SMAD3: variants seen among roughly 807,000 people sequenced by gnomAD.
SMAD3 encodes the protein SMAD family member 3, also known as MAD homolog 3.
Under a neutral mutation model 51.8 loss-of-function variants are expected in SMAD3, and 12 were observed. The observed-to-expected ratio is 0.23, with a 90% CI of 0.15 to 0.38. The LOEUF (loss-of-function observed/expected upper bound fraction) is 0.38, where lower values mean the gene tolerates loss of function less well. SMAD3 is among the 10% of genes least tolerant of loss of function. The probability of loss-of-function intolerance (pLI) is 1.00; values close to 1 mark genes in which losing one functional copy is unlikely to be tolerated. For synonymous variants in SMAD3, 238 were observed against 227.7 expected (o/e 1.05, Z -0.41); for missense variants, 294 against 565.6 (o/e 0.52, Z 4.87).
intron 1 of SMAD3, chr15:67,137,947 C>T (rs770563501): frequency 3.8e-5 from 39 of 1,025,428 alleles, no homozygotes; most frequent in Non-Finnish European, 5.4e-5. Flanking sequence ...TACTAGAATT[C>T]GGACTTCTAG....
chr15:67,158,059 A>C (rs959834302), intron 1 of SMAD3, among the ~76,000 whole-genome samples: 8 of 152,162 alleles, frequency 5.3e-5, no homozygotes, highest in Admixed American at 3.3e-4. Context: ...TAATGCTAGC[A>C]GCTGGTCTTG....
chr15:67,129,031 A>T (rs1961458921), intron 1 of SMAD3, among the ~76,000 whole-genome samples: 1 of 152,164 alleles, frequency 6.6e-6, no homozygotes, highest in Non-Finnish European at 1.5e-5. Flanking sequence ...GAGGCCACAT[A>T]GTCCCAGGTA....
At chr15:67,076,605 C>T (rs182353670) in intron 1 of SMAD3, among the ~76,000 whole-genome samples, 21 of 152,190 alleles carry the variant, frequency 1.4e-4, no homozygotes, top group Non-Finnish European at 2.6e-4. Context: ...CCCTCAGATA[C>T]GTGCAAGAGG....
At chr15:67,067,500 G>C (rs1467432606) in intron 1 of SMAD3, among the ~76,000 whole-genome samples, 1 of 152,182 alleles carries the variant, frequency 6.6e-6, no homozygotes. Flanking sequence ...GGAATGAGTA[G>C]AAAGCACCAG....
intron 1 of SMAD3, among the ~76,000 whole-genome samples, chr15:67,076,443 C>A (rs1960172121): frequency 6.6e-6 from 1 of 152,180 alleles, no homozygotes; most frequent in Non-Finnish European, 1.5e-5. Context: ...TTTATTGTTG[C>A]TGGTGTTTTT....
intron 1 of SMAD3, among the ~76,000 whole-genome samples, chr15:67,087,984 T>C (rs752385202): frequency 6.6e-6 from 1 of 152,188 alleles, no homozygotes; most frequent in Non-Finnish European, 1.5e-5. Context: ...AGATCAGAGT[T>C]CTTGTACTGA....
chr15:67,166,059 A>G, intron 3 of SMAD3: 1 of 404,868 alleles, frequency 2.5e-6, no homozygotes, highest in Non-Finnish European at 3.4e-6. Flanking sequence ...TCTAATTTGG[A>G]CGTGACGTTC....
At chr15:67,132,205 G>T (rs1010031190) in intron 1 of SMAD3, among the ~76,000 whole-genome samples, 1 of 152,176 alleles carries the variant, frequency 6.6e-6, no homozygotes, top group African/African-American at 2.4e-5. Flanking sequence ...ATTCTGTGTT[G>T]TAGAGACCTG....
rs1450693414 is a variant in SMAD3 at position 67,065,941 on chromosome 15, C to G, written c.-214C>G. 1 of 210,708 alleles carries G rather than the reference C, an allele frequency of 4.7e-6. No homozygotes were observed. The highest frequency in any genetic ancestry group is 2.3e-5 in the African/African-American group (1 of 43,506). 13.1% of individuals were successfully genotyped at this position (210,708 alleles called of 1,614,324 possible). A position where few individuals can be genotyped will look rare whatever the true frequency, so the allele number is the denominator to read the frequency against. On this transcript the variant is annotated 5_prime_UTR_variant, in exon 1 of 9. Coordinates refer to ENST00000327367, the MANE Select transcript of SMAD3 (RefSeq NM_005902.4). ...CCCGCCCGGCCGCTCTTCTCTTCGC[C>G]GTGGGAGCCGCTCCGGGCGCAGGGC...
chr15:67,157,776 G>T (rs1196322097), intron 1 of SMAD3, among the ~76,000 whole-genome samples: 1 of 152,218 alleles, frequency 6.6e-6, no homozygotes, highest in Non-Finnish European at 1.5e-5. Context: ...CTCTGCCATG[G>T]CCACATCCTT....
intron 1 of SMAD3, among the ~76,000 whole-genome samples, chr15:67,120,488 G>A (rs181408970): frequency 2.2e-4 from 33 of 152,324 alleles, no homozygotes; most frequent in African/African-American, 7.7e-4. Context: ...ATCTGAGTGG[G>A]AGGCCTGGTA....
chr15:67,138,791 C>A (rs1295127470), intron 1 of SMAD3, among the ~76,000 whole-genome samples: 1 of 152,192 alleles, frequency 6.6e-6, no homozygotes, highest in Non-Finnish European at 1.5e-5. Context: ...TACCCCTCAC[C>A]TCCTCCCCTC....
At chr15:67,115,221 C>T (rs372753088) in intron 1 of SMAD3, among the ~76,000 whole-genome samples, 3 of 151,672 alleles carry the variant, frequency 2.0e-5, no homozygotes, top group African/African-American at 7.3e-5. Flanking sequence ...CTTAGTGCTT[C>T]ATTACAAAGA....
chr15:67,067,802 G>A (rs1234723137), intron 1 of SMAD3, among the ~76,000 whole-genome samples: 1 of 152,180 alleles, frequency 6.6e-6, no homozygotes, highest in Non-Finnish European at 1.5e-5. Flanking sequence ...AGCCAGAATT[G>A]ACTTCAGAGG....
chr15:67,138,332 C>G, intron 1 of SMAD3: 1 of 501,576 alleles, frequency 2.0e-6, no homozygotes, highest in Non-Finnish European at 3.6e-6. Flanking sequence ...GGACCCTGCT[C>G]CCCTCCCCTG....
rs139853947 is a variant in SMAD3 at position 67,129,172 on chromosome 15, C to G, written c.207-35723C>G. 9.7e-4 allele frequency among the ~76,000 whole-genome samples: 147 copies of G among 152,282 alleles called. 1 individual carries two copies. Among genetic ancestry groups the G allele is most frequent in the Middle Eastern group, 3.4e-3 (1 of 294 alleles). ...GAAGTGATGTGCACTTAGCACCTCA[C>G]TATGGGAAACATAAAGCAGGAACTA... On this transcript the variant is annotated intron_variant, in intron 1 of 8. Coordinates refer to ENST00000327367, the MANE Select transcript of SMAD3 (RefSeq NM_005902.4).
Position 67,181,379 on chromosome 15 carries a change from C to T in SMAD3, c.797C>T (p.Ser266Leu), listed in dbSNP as rs753486471. Residue 266 changes from serine (S) to leucine (L), a missense_variant, in exon 6 of 9, where the codon TCG (serine) becomes TTG (leucine). Ser to Leu is a moderately radical substitution (Grantham distance 145, BLOSUM62 -2). Coordinates refer to ENST00000327367, the MANE Select transcript of SMAD3 (RefSeq NM_005902.4). ...GATGGCTTCACCGACCCCTCCAATT[C>T]GGAGCGCTTCTGCCTAGGGCTGCTC... is the stretch of plus-strand genomic sequence containing the variant. Reference protein sequence around the residue: ...TVDGFTDPSNSERFCLGLLSN... With the variant: ...TVDGFTDPSNLERFCLGLLSN... The T allele has an allele frequency of 2.5e-6, 4 of 1,614,156 alleles. No homozygotes were observed. The highest frequency in any genetic ancestry group is 2.2e-5 in the East Asian group (1 of 44,884).
chr15:67,183,604 C>T (rs1434021713), intron 6 of SMAD3, among the ~76,000 whole-genome samples: 1 of 152,130 alleles, frequency 6.6e-6, no homozygotes, highest in Non-Finnish European at 1.5e-5. Context: ...TCGTGTTCAT[C>T]CTACCGGATG....
At chr15:67,188,898 G>A (rs1963291550) in intron 8 of SMAD3, among the ~76,000 whole-genome samples, 2 of 152,316 alleles carry the variant, frequency 1.3e-5, no homozygotes, top group Admixed American at 6.5e-5. Context: ...TTTAGCTGCT[G>A]TTCTTCTGTG....
Sources: allele counts gnomAD v4.1 joint callset (sites outside exome capture counted in the v4.1 genomes callset), GRCh38; gene constraint gnomAD v4.1.1; transcripts MANE v1.5; gene names NCBI Gene and HGNC (gene_info 2026-07-23, HGNC 2026-07-21).